RCC1L: variants seen among roughly 807,000 people sequenced by gnomAD.
RCC1L encodes RCC1 like, also known as RCC1-like G exchanging factor-like protein.
Under a neutral mutation model 58.6 loss-of-function variants are expected in RCC1L, and 46 were observed. The ratio of observed to expected loss-of-function variants is 0.79; its 90% CI spans 0.62 to 1.00. RCC1L has a LOEUF of 1.00. Among genes scored for constraint, RCC1L ranks in the 50% least tolerant of loss-of-function variants. The pLI is 0.00. For missense variants in RCC1L, 636 were observed against 623.6 expected (o/e 1.02, Z -0.21); for synonymous variants, 281 against 262.9 (o/e 1.07, Z -0.67).
chr7:75,056,845 G>C, intron 8 of RCC1L: 1 of 995,732 alleles, frequency 1.0e-6, no homozygotes, highest in South Asian at 1.4e-5. Flanking sequence ...TTGAAACAGG[G>C]TCTCACCGTG....
intron 1 of RCC1L, among the ~76,000 whole-genome samples, chr7:75,072,480 C>T (rs1806799261): frequency 6.6e-6 from 1 of 151,842 alleles, no homozygotes; most frequent in Admixed American, 6.6e-5. Flanking sequence ...TTTTCACTGA[C>T]ACTACACCGT....
chr7:75,053,040 C>T (rs1805963526), intron 9 of RCC1L, among the ~76,000 whole-genome samples: 1 of 138,260 alleles, frequency 7.2e-6, no homozygotes, highest in African/African-American at 2.7e-5. Context: ...GATGAGCACT[C>T]AAATGAAGAT....
chr7:75,056,195 TGTTTTG>T, intron 8 of RCC1L, 121 bp from the exon 9 acceptor site: 2 of 1,218,738 alleles, frequency 1.6e-6, no homozygotes, highest in Non-Finnish European at 2.4e-6. Context: ...GTTTTTTTTT[TGTTTTG>T]TTTTTTTCCT....
intron 10 of RCC1L, among the ~76,000 whole-genome samples, chr7:75,030,005 C>T (rs1038420724): frequency 5.3e-5 from 8 of 152,136 alleles, no homozygotes; most frequent in African/African-American, 7.2e-5. Flanking sequence ...AAGAAAATAA[C>T]GAAAGAGGCC....
rs979797530 is a variant in RCC1L at position 75,058,656 on chromosome 7, C to T, written c.901G>A (p.Asp301Asn). ...TTTCCCCAACCAAAAAGTCCTCCGT[C>T]GGCGGACACGGCCAGGCAGCAATCA... is the stretch of plus-strand genomic sequence containing the variant. ...YGDCCLAVSA[D>N]GGLFGWGNSE... is the part of the protein sequence containing the mutation. The change falls in exon 7 of 11, where the codon GAC becomes AAC. Residue 301 changes from aspartate to asparagine, a missense_variant. Asp to Asn is a conservative substitution (Grantham distance 23, BLOSUM62 1). Coordinates refer to ENST00000610322, the MANE Select transcript of RCC1L (RefSeq NM_030798.5). 24 of 1,613,828 alleles carry T rather than the reference C, an allele frequency of 1.5e-5. No homozygotes were observed. The highest frequency in any genetic ancestry group is 2.2e-5 in the East Asian group (1 of 44,884).
rs919796637 is a variant in RCC1L, at chr7:75,053,294, C to T, written c.1232-498G>A. 1.7e-3 allele frequency among the ~76,000 whole-genome samples: 260 copies of T among 151,212 alleles called. 10 individuals carry two copies. Among genetic ancestry groups the T allele is most frequent in the African/African-American group, 5.8e-3 (238 of 41,116 alleles). ...GGAGCTGGGGTCTGGGGGTGGTGCACGGGGCTGGAGGTCACTGATGCACAC... is the reference window on the plus strand; with the variant it reads ...GGAGCTGGGGTCTGGGGGTGGTGCATGGGGCTGGAGGTCACTGATGCACAC... On this transcript the variant is annotated intron_variant, in intron 9 of 10. Coordinates refer to ENST00000610322, the MANE Select transcript of RCC1L (RefSeq NM_030798.5).
At chr7:75,039,939 GA>G (rs1237766435), downstream of RCC1L, among the ~76,000 whole-genome samples, 2 of 152,146 alleles carry the variant, frequency 1.3e-5, no homozygotes, top group Non-Finnish European at 1.5e-5. Flanking sequence ...GGGGTTGGGG[GA>G]GGGGCGGCAT....
chr7:75,056,555 A>G lies in RCC1L; in HGVS notation c.1058-481T>C. The stretch of plus-strand genomic sequence containing the variant: ...TTAATATTCATCAGTGGTGCCAGAT[A>G]TTTCATCGTTATCCAAAGCTGAAGG... On this transcript the variant is annotated intron_variant, in intron 8 of 10. Transcript: ENST00000610322. 5 of 1,529,216 alleles carry G rather than the reference A, an allele frequency of 3.3e-6. No individual in the cohort carries two copies. The South Asian group carries it at 6.0e-5, about 18-fold the overall frequency. The allele number at this position is 1,529,216 out of a possible 1,614,324, so 94.7% of individuals were successfully genotyped here. A position where few individuals can be genotyped will look rare whatever the true frequency, so the allele number is the denominator to read the frequency against.
intron 10 of RCC1L, among the ~76,000 whole-genome samples, chr7:75,046,044 C>T (rs1486685695): frequency 6.6e-6 from 1 of 152,208 alleles, no homozygotes; most frequent in Admixed American, 6.5e-5. Flanking sequence ...ATGGCCTGGC[C>T]CTAAAAGCCG....
At position 75,042,622 on chromosome 7, in the gene RCC1L, G is replaced by A. The variant is rs1328474925; in HGVS notation, c.*410C>T. Reference sequence around the variant, plus strand: ...AGCTGGGGCTCGGTCCGAGGCACACGCATGGCCTTGGCCAGACACAAACCA... The same window carrying A: ...AGCTGGGGCTCGGTCCGAGGCACACACATGGCCTTGGCCAGACACAAACCA... On this transcript the variant is annotated 3_prime_UTR_variant, in exon 11 of 11. Coordinates refer to ENST00000610322, the MANE Select transcript of RCC1L (RefSeq NM_030798.5). 4 of 1,035,796 alleles carry A rather than the reference G, an allele frequency of 3.9e-6. No individual in the cohort carries two copies. Among genetic ancestry groups the A allele is most frequent in the East Asian group, 1.9e-4 (2 of 10,766 alleles). 64.2% of individuals were successfully genotyped at this position (1,035,796 alleles called of 1,614,324 possible).
At chr7:75,039,548 G>A (rs1805501201), downstream of RCC1L, among the ~76,000 whole-genome samples, 1 of 152,180 alleles carries the variant, frequency 6.6e-6, no homozygotes, top group East Asian at 1.9e-4. Flanking sequence ...AGTGTGGAGT[G>A]GCGGTCTGCA....
chr7:75,066,914 A>G, intron 2 of RCC1L, 122 bp from the exon 3 acceptor site: 1 of 1,320,358 alleles, frequency 7.6e-7, no homozygotes, highest in South Asian at 1.6e-5. Context: ...TCATCAAGAC[A>G]GGTAAGTTAG....
downstream of RCC1L, chr7:75,042,111 G>T (rs1242378345): frequency 2.2e-6 from 2 of 892,628 alleles, no homozygotes; most frequent in Non-Finnish European, 2.7e-6. Context: ...TTCTGCCTCT[G>T]TATCAAAAGG....
intron 10 of RCC1L, among the ~76,000 whole-genome samples, chr7:75,045,466 C>A (rs1323508248): frequency 6.6e-6 from 1 of 152,132 alleles, no homozygotes; most frequent in Admixed American, 6.5e-5. Flanking sequence ...AGGTGTGATC[C>A]CCAGGCCTGG....
Position 75,056,603 on chromosome 7 carries a change from T to C in RCC1L, c.1058-529A>G, listed in dbSNP as rs1052149648. On this transcript the variant is annotated intron_variant, in intron 8 of 10. Coordinates refer to ENST00000610322, the MANE Select transcript of RCC1L (RefSeq NM_030798.5). ...AGGCTGTTCTCCCATCTGCCTTTGA[T>C]TTTTTGGCTGGAGAAGGCAGAGCTG... The C allele has an allele frequency of 7.9e-4, 1,218 of 1,534,460 alleles. 4 individuals are homozygous for C. The highest frequency in any genetic ancestry group is 9.6e-4 in the Non-Finnish European group (1,096 of 1,146,188).
At chr7:75,037,937 C>T (rs983726289), downstream of RCC1L, among the ~76,000 whole-genome samples, 6 of 152,218 alleles carry the variant, frequency 3.9e-5, no homozygotes, top group Admixed American at 3.9e-4. Flanking sequence ...GCTGCTGTCT[C>T]CCATGTTAAA....
At chr7:75,055,732 C>T in intron 9 of RCC1L, 169 bp downstream of exon 9, 10 of 763,972 alleles carry the variant, frequency 1.3e-5, no homozygotes, top group Non-Finnish European at 2.0e-5. Context: ...AGACATTATA[C>T]AACCTCGAGG....
At chr7:75,071,141 C>A (rs1806712114) in intron 1 of RCC1L, among the ~76,000 whole-genome samples, 1 of 152,140 alleles carries the variant, frequency 6.6e-6, no homozygotes, top group Admixed American at 6.6e-5. Context: ...TATGCGTCAG[C>A]CACCGTGCCT....
chr7:75,063,621 T>C (rs973730370), intron 4 of RCC1L, among the ~76,000 whole-genome samples: 11 of 152,206 alleles, frequency 7.2e-5, no homozygotes, highest in African/African-American at 2.6e-4. Context: ...TTTTAAACAC[T>C]AAAATGAAAA....
Sources: allele counts gnomAD v4.1 joint callset (sites outside exome capture counted in the v4.1 genomes callset), GRCh38; gene constraint gnomAD v4.1.1; transcripts MANE v1.5; gene names NCBI Gene and HGNC (gene_info 2026-07-23, HGNC 2026-07-21).